Variants in ADORA2A observed in about 807,000 individuals in gnomAD.
ADORA2A encodes the protein adenosine A2a receptor.
A neutral mutation model predicts 18.4 loss-of-function variants in ADORA2A; 11 were observed. That is an observed-to-expected ratio of 0.60 (90% CI 0.38 to 0.99). The LOEUF is 0.99. Among genes scored for constraint, ADORA2A ranks in the 50% least tolerant of loss-of-function variants. ADORA2A has a pLI of 0.01. For synonymous variants in ADORA2A, 218 were observed against 237.3 expected (o/e 0.92, Z 0.75); for missense variants, 449 against 556.1 (o/e 0.81, Z 1.94).
At chr22:24,434,627 T>C (rs2267076) in intron 2 of ADORA2A, among the ~76,000 whole-genome samples, 97,774 of 152,056 alleles carry the variant, frequency 0.64, 31,668 homozygotes, top group African/African-American at 0.69. Context: ...TGAGGCCATG[T>C]ATGAGGCTTG....
chr22:24,432,417 G>T (rs144803129), intron 1 of ADORA2A: 333 of 153,156 alleles, frequency 2.2e-3, no homozygotes, highest in South Asian at 5.8e-3. Flanking sequence ...AGCAGGCCAG[G>T]GGGGCTGAGA....
At chr22:24,425,821 G>C (rs774308316), upstream of ADORA2A, among the ~76,000 whole-genome samples, 16 of 152,236 alleles carry the variant, frequency 1.1e-4, no homozygotes, top group Non-Finnish European at 2.2e-4. Flanking sequence ...CCCACTCGCT[G>C]AGCAGGTTGC....
intron 1 of ADORA2A, chr22:24,432,029 T>C (rs2043050611): frequency 6.2e-6 from 1 of 162,328 alleles, no homozygotes; most frequent in Non-Finnish European, 1.4e-5. Context: ...AGTCCCTCAG[T>C]GAGTCCTGGT....
intron 1 of ADORA2A, chr22:24,429,149 G>GT (rs1305791050): frequency 1.3e-5 from 2 of 152,312 alleles, no homozygotes; most frequent in Non-Finnish European, 2.9e-5. Context: ...CACCATCTGG[G>GT]CATGTGTACA....
chr22:24,436,054 G>T (rs993648443), intron 2 of ADORA2A, among the ~76,000 whole-genome samples: 1 of 152,230 alleles, frequency 6.6e-6, no homozygotes, highest in Non-Finnish European at 1.5e-5. Context: ...AACTCATGGG[G>T]AGGCCAGAGC....
chr22:24,426,299 A>G (rs77093680), upstream of ADORA2A, among the ~76,000 whole-genome samples: 666 of 152,344 alleles, frequency 4.4e-3, 4 homozygotes, highest in African/African-American at 0.015. Context: ...TTGCAGCGCA[A>G]ACAGAGCCCT....
Position 24,440,869 on chromosome 22 carries a change from C to T in ADORA2A, c.619C>T (p.Gln207Ter). 6.2e-7 allele frequency: 1 copy of T among 1,614,206 alleles called. No individual in the cohort carries two copies. Among genetic ancestry groups the T allele is most frequent in the Non-Finnish European group, 8.5e-7 (1 of 1,180,040 alleles). ...YLRIFLAARR[Q>*]LKQMESQPLP... ...GCGGATCTTCCTGGCGGCGCGACGA[C>T]AGCTGAAGCAGATGGAGAGCCAGCC... Residue 207 changes from glutamine to a stop codon, truncating the protein, a stop_gained, in exon 3 of 3, where the codon CAG becomes TAG. Transcript: ENST00000337539. LOFTEE classifies it high-confidence loss of function.
chr22:24,434,090 G>A (rs959642975), intron 2 of ADORA2A, among the ~76,000 whole-genome samples: 3 of 152,228 alleles, frequency 2.0e-5, no homozygotes, highest in African/African-American at 7.2e-5. Context: ...TGCTGCCAGC[G>A]GGTGTGTCTG....
rs201275567 is a variant in ADORA2A, at chr22:24,431,434, T to G, written c.-274-1697T>G. On this transcript the variant is annotated intron_variant, in intron 1 of 2. Transcript: ENST00000337539. Reference sequence around the variant, plus strand: ...GACAGCATTGGAGTTGGAGGGAAAGTTGGGGTCTGTGTGTTTGAGCTCTGT... The same window carrying G: ...GACAGCATTGGAGTTGGAGGGAAAGGTGGGGTCTGTGTGTTTGAGCTCTGT... 1.8e-3 allele frequency: 836 copies of G among 456,460 alleles called. 15 individuals are homozygous for G. Among genetic ancestry groups the G allele is most frequent in the Middle Eastern group, 6.5e-4 (2 of 3,098 alleles). 28.3% of individuals were successfully genotyped at this position (456,460 alleles called of 1,614,324 possible).
At chr22:24,431,190 G>T (rs200338456) in intron 1 of ADORA2A, 418 of 456,800 alleles carry the variant, frequency 9.2e-4, no homozygotes, top group Admixed American at 2.4e-3. Flanking sequence ...TCCATGGAAA[G>T]CAGGGGCTTG....
At position 24,441,024 on chromosome 22, in the gene ADORA2A, C is replaced by G; in HGVS notation, c.774C>G (p.Phe258Leu). 6.2e-7 allele frequency: 1 copy of G among 1,614,200 alleles called. No individual in the cohort carries two copies. The highest frequency in any genetic ancestry group is 8.5e-7 in the Non-Finnish European group (1 of 1,180,040). Residue 258 changes from phenylalanine to leucine, a missense_variant, in exon 3 of 3, where the codon TTC (phenylalanine) becomes TTG (leucine). Transcript: ENST00000337539. ...ACATCATCAACTGCTTCACTTTCTT[C>G]TGCCCCGACTGCAGCCACGCCCCTC... is the stretch of plus-strand genomic sequence containing the variant. ...PLHIINCFTF[F>L]CPDCSHAPLW...
intron 1 of ADORA2A, chr22:24,429,598 G>A (rs1455744155): frequency 3.9e-5 from 6 of 152,236 alleles, no homozygotes; most frequent in African/African-American, 1.4e-4. Context: ...GGGAGCTGGA[G>A]GCCCAGGAGC....
upstream of ADORA2A, among the ~76,000 whole-genome samples, chr22:24,424,210 T>C (rs1405746541): frequency 6.6e-6 from 1 of 151,578 alleles, no homozygotes; most frequent in East Asian, 2.0e-4. This position sits in a 1 kb window ranked among gnomAD's most constrained non-coding sequence, Gnocchi z 4.9. Flanking sequence ...CCAGGCACAG[T>C]CACGTCCCAG....
At chr22:24,429,637 C>A (rs527638176) in intron 1 of ADORA2A, 8 of 152,340 alleles carry the variant, frequency 5.3e-5, no homozygotes, top group African/African-American at 1.7e-4. Flanking sequence ...TCTGTGCGCA[C>A]GGCCGCAGCC....
At position 24,433,191 on chromosome 22, in the gene ADORA2A, G is replaced by A; in HGVS notation, c.-214G>A. The A allele has an allele frequency of 1.7e-6, 1 of 595,184 alleles. No homozygotes were observed. The highest frequency in any genetic ancestry group is 3.0e-6 in the Non-Finnish European group (1 of 334,202). 36.9% of individuals were successfully genotyped at this position (595,184 alleles called of 1,614,324 possible). A position where few individuals can be genotyped will look rare whatever the true frequency, so the allele number is the denominator to read the frequency against. On this transcript the variant is annotated 5_prime_UTR_variant, in exon 2 of 3. Coordinates refer to ENST00000337539, the MANE Select transcript of ADORA2A (RefSeq NM_000675.6). ...ATGCTGCTGCCAGAACCCCTGCAGA[G>A]GGCCTGGTTTCAGGAGACTCAGAGT...
chr22:24,425,345 C>A (rs992173656), upstream of ADORA2A, among the ~76,000 whole-genome samples: 7 of 132,692 alleles, frequency 5.3e-5, no homozygotes, highest in Non-Finnish European at 1.0e-4. Flanking sequence ...GCACCCCCCC[C>A]CCCCCCGCCC....
At chr22:24,439,437 G>C (rs1235403787) in intron 2 of ADORA2A, 1 of 152,050 alleles carries the variant, frequency 6.6e-6, no homozygotes, top group Non-Finnish European at 1.5e-5. Context: ...GCCCCCGAGG[G>C]GCCCAGATGT....
chr22:24,435,576 T>C (rs1388536987), intron 2 of ADORA2A, among the ~76,000 whole-genome samples: 1 of 152,204 alleles, frequency 6.6e-6, no homozygotes, highest in Non-Finnish European at 1.5e-5. Flanking sequence ...GCTGTGTGGC[T>C]ATGGAAAGTT....
At position 24,438,113 on chromosome 22, in the gene ADORA2A, T is replaced by C. The variant is rs547062518; in HGVS notation, c.333-2470T>C. ...ATTGCCTGAGGCAGGCCATCTCTCC[T>C]GTGAACAGCTCAGCTGAAAAACTCT... On this transcript the variant is annotated intron_variant, in intron 2 of 2. Transcript: ENST00000337539. Among the ~76,000 whole-genome samples, 24 of 152,382 alleles carry C rather than the reference T, an allele frequency of 1.6e-4. No individual in the cohort carries two copies. The East Asian group carries it at 4.4e-3, about 28-fold the overall frequency.
Sources: allele counts gnomAD v4.1 joint callset (sites outside exome capture counted in the v4.1 genomes callset), GRCh38; gene constraint gnomAD v4.1.1; non-coding constraint Gnocchi (gnomAD v3.1); transcripts MANE v1.5; gene names NCBI Gene and HGNC (gene_info 2026-07-23, HGNC 2026-07-21).